Variants in DNAH1 observed in about 807,000 individuals in gnomAD.
DNAH1 encodes the protein dynein axonemal heavy chain 1, also known as axonemal beta dynein heavy chain 1.
Under a neutral mutation model 484.3 loss-of-function variants are expected in DNAH1, and 327 were observed. The observed-to-expected ratio is 0.68, with a 90% CI of 0.62 to 0.74. DNAH1 has a LOEUF of 0.74. Ranked by LOEUF, DNAH1 falls within the 30% of genes least tolerant of loss-of-function variation. The probability of loss-of-function intolerance (pLI) is 0.00; values close to 1 mark genes in which losing one functional copy is unlikely to be tolerated. For synonymous variants in DNAH1, 2,192 were observed against 2,191.9 expected (o/e 1.00, Z 0.00); for missense variants, 5,052 against 5,546.8 (o/e 0.91, Z 2.83).
At chr3:52,349,574 C>G (rs1038642100) in intron 14 of DNAH1, among the ~76,000 whole-genome samples, 154 bp downstream of exon 14, 1 of 152,214 alleles carries the variant, frequency 6.6e-6, no homozygotes, top group African/African-American at 2.4e-5. Flanking sequence ...TCACCCTGCC[C>G]CATCCCTGCC....
chr3:52,367,008 G>A lies in DNAH1; in HGVS notation c.5765+121G>A, dbSNP rs921821951. ...GGCCGGGCTCTGCAGCCCAACGCTT[G>A]GGATTCTATTCTCCATTCTACTTCC... On this transcript the variant is annotated intron_variant, in intron 36 of 77. Coordinates refer to ENST00000420323, the MANE Select transcript of DNAH1 (RefSeq NM_015512.5). The A allele has an allele frequency of 2.0e-5, 25 of 1,241,678 alleles. 1 individual carries two copies. In the African/African-American group the frequency reaches 2.9e-4, roughly 14 times the overall value. 76.9% of individuals were successfully genotyped at this position (1,241,678 alleles called of 1,614,324 possible).
At chr3:52,370,428 G>A (rs1417907854) in intron 39 of DNAH1, 49 bp from the exon 40 acceptor site, 19 of 1,611,374 alleles carry the variant, frequency 1.2e-5, no homozygotes, top group Middle Eastern at 3.3e-4. Context: ...TCCTCAGGCC[G>A]CTTGATACTG....
rs951783183 is a variant in DNAH1 at position 52,395,202 on chromosome 3, A to G, written c.10969-106A>G. 5.4e-6 allele frequency: 8 copies of G among 1,493,658 alleles called. No individual in the cohort carries two copies. The African/African-American group carries it at 9.8e-5, about 18-fold the overall frequency. 92.5% of individuals were successfully genotyped at this position (1,493,658 alleles called of 1,614,324 possible). A position where few individuals can be genotyped will look rare whatever the true frequency, so the allele number is the denominator to read the frequency against. On this transcript the variant is annotated intron_variant, in intron 68 of 77. Coordinates refer to ENST00000420323, the MANE Select transcript of DNAH1 (RefSeq NM_015512.5). The surrounding 1 kb of genome is among the most constrained non-coding windows in gnomAD (Gnocchi z 4.4). ...TAAAGGCTCTGAGGTTCCAGCCCCC[A>G]CCAGGAAGCCCACTGGGGACCACTC... is the stretch of plus-strand genomic sequence containing the variant.
At position 52,372,043 on chromosome 3, in the gene DNAH1, A is replaced by G; in HGVS notation, c.6623A>G (p.Gln2208Arg). 2 of 1,613,818 alleles carry G rather than the reference A, an allele frequency of 1.2e-6. No individual in the cohort carries two copies. Among genetic ancestry groups the G allele is most frequent in the African/African-American group, 1.3e-5 (1 of 75,038 alleles). Reference sequence around the variant, plus strand: ...ATTGTGCCCACCATGGACACCGTGCAGATGTCCCATTTACTGGACATGCTG... The same window carrying G: ...ATTGTGCCCACCATGGACACCGTGCGGATGTCCCATTTACTGGACATGCTG... ...NIIVPTMDTV[Q>R]MSHLLDMLLT... Residue 2208 changes from glutamine (Q) to arginine (R), a missense_variant, in exon 42 of 78, where the codon CAG (glutamine) becomes CGG (arginine). Coordinates refer to ENST00000420323, the MANE Select transcript of DNAH1 (RefSeq NM_015512.5).
Position 52,366,843 on chromosome 3 carries a change from G to T in DNAH1, c.5721G>T (p.Thr1907=), listed in dbSNP as rs200419197. 15 of 1,613,770 alleles carry T rather than the reference G, an allele frequency of 9.3e-6. No individual in the cohort carries two copies. The highest frequency in any genetic ancestry group is 1.3e-5 in the Non-Finnish European group (15 of 1,179,838). ...NYYVLNPKSI[T]MGQLYGEFDL... ...ACGTGCTCAACCCCAAGTCCATCAC[G>T]ATGGGCCAGCTGTACGGGGAGTTTG... is the stretch of plus-strand genomic sequence containing the variant. The change falls in exon 36 of 78, where the codon ACG becomes ACT. Residue 1907 remains threonine, a synonymous_variant. Coordinates refer to ENST00000420323, the MANE Select transcript of DNAH1 (RefSeq NM_015512.5).
chr3:52,316,293 G>A (rs1700947539), upstream of DNAH1: 1 of 152,354 alleles, frequency 6.6e-6, no homozygotes, highest in African/African-American at 2.4e-5. Flanking sequence ...CAAAAGCAGG[G>A]AAGCAGGTGC....
At position 52,354,832 on chromosome 3, in the gene DNAH1, C is replaced by G. The variant is rs1037753364; in HGVS notation, c.3481-11C>G. 3.7e-6 allele frequency: 6 copies of G among 1,612,600 alleles called. No individual in the cohort carries two copies. In the East Asian group the frequency reaches 1.3e-4, roughly 36 times the overall value. ...CTCCCAGGACTCAGCCTGGCTTGTC[C>G]CCGACCCCAGGCACTGGACAAGATG... On this transcript the variant is annotated splice_polypyrimidine_tract_variant and intron_variant, in intron 20 of 77. Coordinates refer to ENST00000420323, the MANE Select transcript of DNAH1 (RefSeq NM_015512.5).
At chr3:52,372,821 G>C in intron 43 of DNAH1, 75 bp from the exon 44 acceptor site, 1 of 1,532,710 alleles carries the variant, frequency 6.5e-7, no homozygotes, top group East Asian at 2.3e-5. Context: ...AGGCAAAGCT[G>C]CCACCCGTTC....
Position 52,372,038 on chromosome 3 carries a change from C to A in DNAH1, c.6618C>A (p.Thr2206=), listed in dbSNP as rs370575054. ...YCNIIVPTMD[T]VQMSHLLDML... ...ACATCATTGTGCCCACCATGGACAC[C>A]GTGCAGATGTCCCATTTACTGGACA... The change falls in exon 42 of 78, where the codon ACC becomes ACA. Residue 2206 remains threonine (T), a synonymous_variant. Transcript: ENST00000420323. The A allele has an allele frequency of 6.2e-7, 1 of 1,613,822 alleles. No homozygotes were observed. Among genetic ancestry groups the A allele is most frequent in the African/African-American group, 1.3e-5 (1 of 75,022 alleles).
rs865882866 is a variant in DNAH1, at chr3:52,382,373, A to G, written c.7859A>G (p.Glu2620Gly). 1.5e-5 allele frequency: 25 copies of G among 1,613,990 alleles called. 1 individual carries two copies. In the Middle Eastern group the frequency reaches 4.1e-3, roughly 266 times the overall value. ...CTATCCAAGAACTACGGCATGTCCG[A>G]GTGGCGAGATGATGTGAAGAAGGTC... ...IELSKNYGMS[E>G]WRDDVKKVLL... is the part of the protein sequence containing the mutation. Residue 2620 changes from glutamate (E) to glycine (G), a missense_variant, in exon 50 of 78, where the codon GAG becomes GGG. Physicochemically the swap from Glu to Gly is moderately conservative, Grantham distance 98 (BLOSUM62 -2). This residue lies in a region of DNAH1 where 2,929 missense variants were observed against 3,409.4 expected (regional missense o/e 0.86). Coordinates refer to ENST00000420323, the MANE Select transcript of DNAH1 (RefSeq NM_015512.5).
intron 1 of DNAH1, 111 bp from the exon 2 acceptor site, chr3:52,322,298 C>G: frequency 1.5e-6 from 1 of 686,386 alleles, no homozygotes; most frequent in African/African-American, 1.8e-5. Flanking sequence ...CTTCTGTTAC[C>G]CATGGGTCAT....
At chr3:52,343,595 C>T (rs561368595) in intron 8 of DNAH1, among the ~76,000 whole-genome samples, 24 of 152,256 alleles carry the variant, frequency 1.6e-4, no homozygotes, top group African/African-American at 5.3e-4. Flanking sequence ...GACCAGTCCC[C>T]TGCCTACGAA....
Position 52,397,738 on chromosome 3 carries a change from T to A in DNAH1, c.11819T>A (p.Leu3940His). The A allele has an allele frequency of 6.2e-6, 10 of 1,613,008 alleles. No individual in the cohort carries two copies. Among genetic ancestry groups the A allele is most frequent in the Non-Finnish European group, 8.5e-6 (10 of 1,179,316 alleles). ...GYLSYIKSLP[L>H]NDMPEIFGLH... ...CTCTCCTACATCAAGAGCCTCCCAC[T>A]CAATGATATGCCTGAGATCTTTGGC... Residue 3940 changes from leucine to histidine, a missense_variant, in exon 74 of 78, where the codon CTC (leucine) becomes CAC (histidine). Transcript: ENST00000420323.
intron 56 of DNAH1, among the ~76,000 whole-genome samples, chr3:52,387,137 G>A (rs1389003646): frequency 1.3e-5 from 2 of 152,180 alleles, no homozygotes; most frequent in African/African-American, 2.4e-5. Context: ...ACAGGCTCCT[G>A]TGCCCCATAG....
At chr3:52,320,881 A>G (rs1294720050) in intron 1 of DNAH1, among the ~76,000 whole-genome samples, 4 of 146,044 alleles carry the variant, frequency 2.7e-5, no homozygotes, top group Admixed American at 2.1e-4. Flanking sequence ...GCTCCTTGCA[A>G]CCTCTGTCTC....
At position 52,362,431 on chromosome 3, in the gene DNAH1, C is replaced by T. The variant is rs957396919; in HGVS notation, c.5024C>T (p.Pro1675Leu). The change falls in exon 31 of 78, where the codon CCA becomes CTA. Residue 1675 changes from proline to leucine, a missense_variant. Physicochemically the swap from Pro to Leu is moderately conservative, Grantham distance 98. Around this residue, in one of 4 missense-constraint regions of DNAH1, gnomAD observed 2,929 missense variants for 3,409.4 expected, o/e 0.86. Transcript: ENST00000420323. The surrounding 1 kb of genome is among the most constrained non-coding windows in gnomAD (Gnocchi z 5.1). ...GAGGGTGTGGAGATCCCACTGGTGC[C>T]ATCCTGCGCAGTGTTTATCACCATG... ...MFEGVEIPLV[P>L]SCAVFITMNP... 10 of 1,613,880 alleles carry T rather than the reference C, an allele frequency of 6.2e-6. No homozygotes were observed. The highest frequency in any genetic ancestry group is 7.6e-6 in the Non-Finnish European group (9 of 1,179,922).
intron 75 of DNAH1, among the ~76,000 whole-genome samples, chr3:52,398,649 T>TC (rs1377636059): frequency 6.6e-6 from 1 of 151,958 alleles, no homozygotes; most frequent in Admixed American, 6.6e-5. Flanking sequence ...CCCAAAATGT[T>TC]CCGTAAGCTA....
chr3:52,374,306 G>A (rs1224810607), intron 44 of DNAH1: 3 of 1,534,882 alleles, frequency 2.0e-6, no homozygotes, highest in African/African-American at 2.7e-5. Flanking sequence ...CTTATTGAAG[G>A]TGTTACTACC....
At chr3:52,374,752 T>C in intron 44 of DNAH1, 3 of 1,183,968 alleles carry the variant, frequency 2.5e-6, no homozygotes, top group East Asian at 2.3e-5. Flanking sequence ...AATCTGTTCA[T>C]AGAGATGGAA....
Sources: allele counts gnomAD v4.1 joint callset (sites outside exome capture counted in the v4.1 genomes callset), GRCh38; gene constraint gnomAD v4.1.1; regional missense constraint gnomAD v4.1.1; non-coding constraint Gnocchi (gnomAD v3.1); transcripts MANE v1.5; gene names NCBI Gene and HGNC (gene_info 2026-07-23, HGNC 2026-07-21).